Variants in DOP1A observed in about 807,000 individuals in gnomAD.
DOP1A encodes protein DOP1A.
Under a neutral mutation model 267.6 loss-of-function variants are expected in DOP1A, and 90 were observed. The ratio of observed to expected loss-of-function variants is 0.34; its 90% CI spans 0.28 to 0.40. The LOEUF is 0.40. Ranked by LOEUF, DOP1A falls within the 10% of genes least tolerant of loss-of-function variation. The pLI is 1.00. For synonymous variants in DOP1A, 932 were observed against 999.1 expected (o/e 0.93, Z 1.27); for missense variants, 2,437 against 2,900.4 (o/e 0.84, Z 3.67).
intron 29 of DOP1A, 130 bp from the exon 30 acceptor site, chr6:83,152,158 G>T: frequency 2.0e-6 from 2 of 1,017,774 alleles, no homozygotes; most frequent in Non-Finnish European, 2.8e-6. Context: ...CTTTTTTTCA[G>T]TGGGAAAAAT....
Position 83,153,518 on chromosome 6 carries a change from C to A in DOP1A, c.6137C>A (p.Ala2046Asp). 1 of 1,595,778 alleles carries A rather than the reference C, an allele frequency of 6.3e-7. No homozygotes were observed. The highest frequency in any genetic ancestry group is 1.1e-5 in the South Asian group (1 of 87,168). Residue 2046 changes from alanine to aspartate, a missense_variant, in exon 31 of 39, where the codon GCT (alanine) becomes GAT (aspartate). Coordinates refer to ENST00000349129, the MANE Select transcript of DOP1A (RefSeq NM_015018.4). ...TTTTTTATGTTTTCATAGGTTTTGGCTCATCTTTTGGATATGGTTTTCTAT... is the reference window on the plus strand; with the variant it reads ...TTTTTTATGTTTTCATAGGTTTTGGATCATCTTTTGGATATGGTTTTCTAT... ...HALTLLSEVL[A>D]HLLDMVFYSD... is the part of the protein sequence containing the mutation.
At chr6:83,157,100 T>G in intron 34 of DOP1A, 82 bp from the exon 35 acceptor site, 41 of 1,368,200 alleles carry the variant, frequency 3.0e-5, no homozygotes, top group Non-Finnish European at 3.7e-5. Context: ...ACAGATAGTT[T>G]GAGAGTACTG....
chr6:83,111,290 T>G (rs1774517122), intron 6 of DOP1A, among the ~76,000 whole-genome samples: 1 of 151,936 alleles, frequency 6.6e-6, no homozygotes, highest in East Asian at 1.9e-4. Flanking sequence ...ACATTTGGGT[T>G]GTTTCTATAT....
chr6:83,169,090 G>A (rs578184427), downstream of DOP1A: 155 of 1,445,872 alleles, frequency 1.1e-4, no homozygotes, highest in South Asian at 1.6e-4. Context: ...TTCTGTTAGT[G>A]TTTAAGAAAA....
At chr6:83,168,529 T>G (rs1786394203), downstream of DOP1A, 6 of 1,009,050 alleles carry the variant, frequency 5.9e-6, no homozygotes, top group South Asian at 2.5e-4. Context: ...CTTTTCCTTA[T>G]TAACCATGTT....
rs764561690 is a variant in DOP1A at position 83,137,849 on chromosome 6, A to T, written c.3807A>T (p.Gln1269His). 1.5e-5 allele frequency: 25 copies of T among 1,613,572 alleles called. No individual in the cohort carries two copies. Among genetic ancestry groups the T allele is most frequent in the Non-Finnish European group, 2.1e-5 (25 of 1,179,858 alleles). Residue 1269 changes from glutamine to histidine, a missense_variant, in exon 21 of 39, where the codon CAA (glutamine) becomes CAT (histidine). Coordinates refer to ENST00000349129, the MANE Select transcript of DOP1A (RefSeq NM_015018.4). ...GACAAAGGAGTCACAGTAGTATTCA[A>T]TTCAGCTTCAAAGAAAAATTATCAG... Reference protein sequence around the residue: ...KSRQRSHSSIQFSFKEKLSEK... With the variant: ...KSRQRSHSSIHFSFKEKLSEK...
At chr6:83,155,542 GTGGC>G (rs1193645478) in intron 33 of DOP1A, among the ~76,000 whole-genome samples, 3 of 152,158 alleles carry the variant, frequency 2.0e-5, no homozygotes, top group Non-Finnish European at 4.4e-5. Context: ...GCAAGACAGT[GTGGC>G]TACAGCAGAG....
chr6:83,170,379 T>G (rs749680753), downstream of DOP1A: 3 of 1,614,154 alleles, frequency 1.9e-6, no homozygotes, highest in Non-Finnish European at 2.5e-6. Flanking sequence ...CGAGAAAGCT[T>G]GTACTTCTTC....
At chr6:83,100,983 C>T in intron 4 of DOP1A, 97 bp downstream of exon 4, 1 of 768,666 alleles carries the variant, frequency 1.3e-6, no homozygotes, top group Non-Finnish European at 1.8e-6. Flanking sequence ...AAATTGAAAA[C>T]TCCTTAGTGA....
chr6:83,139,697 A>C (rs1260024612), intron 21 of DOP1A, among the ~76,000 whole-genome samples: 2 of 152,148 alleles, frequency 1.3e-5, no homozygotes, highest in African/African-American at 4.8e-5. Flanking sequence ...TAATAAGAAA[A>C]CTGCCTGTAT....
chr6:83,108,118 C>A (rs1773950015), intron 4 of DOP1A, among the ~76,000 whole-genome samples: 1 of 152,178 alleles, frequency 6.6e-6, no homozygotes, highest in African/African-American at 2.4e-5. Flanking sequence ...CAAAAAATAT[C>A]TAGGAGAGTG....
chr6:83,138,929 G>T lies in DOP1A; in HGVS notation c.4887G>T (p.Leu1629Phe). The change falls in exon 21 of 39, where the codon TTG becomes TTT. Residue 1629 changes from leucine to phenylalanine, a missense_variant. Leu to Phe is a conservative substitution (Grantham distance 22, BLOSUM62 0). Around this residue, in one of 9 missense-constraint regions of DOP1A, gnomAD observed 4 missense variants for 17.0 expected, o/e 0.23. Transcript: ENST00000349129. ...PHQPMTSLQY[L>F]HAQPITCQGM... ...AACCCATGACTTCTCTTCAGTATTT[G>T]CATGCTCAGCCAATCACATGTCAAG... is the stretch of plus-strand genomic sequence containing the variant. The T allele has an allele frequency of 1.2e-6, 2 of 1,614,058 alleles. No individual in the cohort carries two copies. The highest frequency in any genetic ancestry group is 1.7e-6 in the Non-Finnish European group (2 of 1,179,974).
chr6:83,098,792 G>A (rs1771973405), intron 3 of DOP1A, among the ~76,000 whole-genome samples: 1 of 152,156 alleles, frequency 6.6e-6, no homozygotes. Context: ...AGGCATGATT[G>A]AAGCATGGAC....
At chr6:83,168,610 T>C (rs1367397095), downstream of DOP1A, 4 of 997,728 alleles carry the variant, frequency 4.0e-6, no homozygotes, top group East Asian at 1.1e-4. Context: ...TTCTCCCACA[T>C]ACCTTCACCA....
chr6:83,133,524 G>T (rs534457490), intron 18 of DOP1A, among the ~76,000 whole-genome samples: 22 of 152,034 alleles, frequency 1.4e-4, no homozygotes, highest in African/African-American at 4.8e-4. Flanking sequence ...GCTAAAGAAA[G>T]ACTTTAAAAA....
chr6:83,072,963 A>G, intron 1 of DOP1A: 1 of 359,514 alleles, frequency 2.8e-6, no homozygotes, highest in Non-Finnish European at 5.5e-6. Context: ...CCTGTGAAAA[A>G]ATAGAACATA....
intron 20 of DOP1A, among the ~76,000 whole-genome samples, chr6:83,136,712 C>T (rs1376963095): frequency 6.6e-6 from 1 of 152,060 alleles, no homozygotes; most frequent in African/African-American, 2.4e-5. Flanking sequence ...CTGCTTATTG[C>T]CAGAATGTCT....
chr6:83,068,443 C>T (rs1785066183), intron 1 of DOP1A, among the ~76,000 whole-genome samples: 1 of 152,178 alleles, frequency 6.6e-6, no homozygotes, highest in Non-Finnish European at 1.5e-5. Flanking sequence ...GAATGGCACA[C>T]AACTATTTTT....
intron 18 of DOP1A, 137 bp downstream of exon 18, chr6:83,132,465 A>T (rs1014404683): frequency 1.9e-5 from 17 of 914,488 alleles, no homozygotes; most frequent in Admixed American, 1.5e-4. Flanking sequence ...GTTCACAGTG[A>T]TCTTAATATC....
Sources: allele counts gnomAD v4.1 joint callset (sites outside exome capture counted in the v4.1 genomes callset), GRCh38; gene constraint gnomAD v4.1.1; regional missense constraint gnomAD v4.1.1; transcripts MANE v1.5; gene names NCBI Gene and HGNC (gene_info 2026-07-23, HGNC 2026-07-21).